TBC1D15: variants seen among roughly 807,000 people sequenced by gnomAD.
The protein encoded by TBC1D15 is GAP for RAB7.
Under a neutral mutation model 95.4 loss-of-function variants are expected in TBC1D15, and 39 were observed. That is an observed-to-expected ratio of 0.41 (90% CI 0.32 to 0.53). TBC1D15 has a LOEUF of 0.53. Among genes scored for constraint, TBC1D15 ranks in the 20% least tolerant of loss-of-function variants. TBC1D15 has a pLI of 0.29. For missense variants in TBC1D15, 733 were observed against 794.3 expected (o/e 0.92, Z 0.93); for synonymous variants, 258 against 261.3 (o/e 0.99, Z 0.12).
chr12:71,850,961 G>A (rs1887647199), intron 1 of TBC1D15, among the ~76,000 whole-genome samples: 1 of 141,920 alleles, frequency 7.0e-6, no homozygotes, highest in African/African-American at 2.7e-5. Context: ...CACTCAGCCT[G>A]GTGGCAGAGC....
intron 12 of TBC1D15, among the ~76,000 whole-genome samples, chr12:71,916,146 C>G (rs1903650725): frequency 6.6e-6 from 1 of 152,072 alleles, no homozygotes; most frequent in Admixed American, 6.6e-5. Flanking sequence ...TAATTCCTTT[C>G]TCCTCTCCAT....
At chr12:71,902,849 G>T (rs1028406028) in intron 10 of TBC1D15, among the ~76,000 whole-genome samples, 3 of 152,110 alleles carry the variant, frequency 2.0e-5, no homozygotes, top group Non-Finnish European at 4.4e-5. Context: ...CTAATACCCA[G>T]AATCTGTAAG....
intron 1 of TBC1D15, among the ~76,000 whole-genome samples, chr12:71,869,205 A>G (rs766379224): frequency 1.3e-5 from 2 of 152,128 alleles, no homozygotes; most frequent in Non-Finnish European, 2.9e-5. Context: ...GATTTCACCT[A>G]TATGTGGAAT....
rs535687103 is a variant in TBC1D15, at chr12:71,910,180, G to A, written c.1300+3042G>A. Among the ~76,000 whole-genome samples the A allele has an allele frequency of 6.6e-5, 10 of 151,872 alleles. No homozygotes were observed. The East Asian group carries it at 9.9e-4, about 15-fold the overall frequency. On this transcript the variant is annotated intron_variant, in intron 11 of 16. Transcript: ENST00000485960. ...AAAGATCAGATAGTTGTAGATATGC[G>A]ACGTTATTTCTGAGGGCTCTGTTCT...
At chr12:71,918,200 C>T (rs982662320) in intron 13 of TBC1D15, among the ~76,000 whole-genome samples, 4 of 152,164 alleles carry the variant, frequency 2.6e-5, no homozygotes, top group Admixed American at 6.5e-5. Context: ...GCACTTTCTT[C>T]GGTTCCATAA....
chr12:71,894,143 T>G (rs992300620), intron 6 of TBC1D15, among the ~76,000 whole-genome samples: 2 of 152,066 alleles, frequency 1.3e-5, no homozygotes, highest in Non-Finnish European at 2.9e-5. Flanking sequence ...AACCTTTTGC[T>G]GTTTTCCAGG....
At chr12:71,886,884 G>A (rs1026006499) in intron 5 of TBC1D15, among the ~76,000 whole-genome samples, 2 of 152,140 alleles carry the variant, frequency 1.3e-5, no homozygotes, top group South Asian at 2.1e-4. Flanking sequence ...CTCAGTATCG[G>A]TGTTGCGATG....
At chr12:71,911,803 A>C (rs1902443389) in intron 11 of TBC1D15, among the ~76,000 whole-genome samples, 1 of 152,050 alleles carries the variant, frequency 6.6e-6, no homozygotes, top group African/African-American at 2.4e-5. Flanking sequence ...AAAAAAAATA[A>C]AATAGATTAA....
chr12:71,911,533 A>G (rs925073104), intron 11 of TBC1D15, among the ~76,000 whole-genome samples: 1 of 150,230 alleles, frequency 6.7e-6, no homozygotes, highest in African/African-American at 2.4e-5. Context: ...ACAAAAAACC[A>G]AACACCGCAT....
chr12:71,921,288 C>A, intron 15 of TBC1D15, 80 bp from the exon 16 acceptor site: 1 of 652,802 alleles, frequency 1.5e-6, no homozygotes, highest in Non-Finnish European at 2.3e-6. Flanking sequence ...TGAAATATAA[C>A]TGGTAATAAA....
intron 1 of TBC1D15, among the ~76,000 whole-genome samples, chr12:71,856,824 C>G (rs1321766212): frequency 6.6e-6 from 1 of 152,062 alleles, no homozygotes; most frequent in African/African-American, 2.4e-5. Flanking sequence ...AGTTGATAGC[C>G]TTTTTCATTA....
chr12:71,865,131 G>A (rs1411116351), intron 1 of TBC1D15, among the ~76,000 whole-genome samples: 1 of 152,194 alleles, frequency 6.6e-6, no homozygotes, highest in Non-Finnish European at 1.5e-5. Context: ...GCTTGGAGCA[G>A]CTGTGGGTTT....
intron 1 of TBC1D15, among the ~76,000 whole-genome samples, chr12:71,844,820 A>G (rs1429999683): frequency 6.6e-6 from 1 of 152,224 alleles, no homozygotes; most frequent in Non-Finnish European, 1.5e-5. Flanking sequence ...TACTATATAC[A>G]TTGATTTACT....
chr12:71,851,357 T>A (rs778875055), intron 1 of TBC1D15, among the ~76,000 whole-genome samples: 17 of 152,002 alleles, frequency 1.1e-4, no homozygotes, highest in Non-Finnish European at 2.5e-4. Context: ...AACATGAGAT[T>A]TAGGTGGGGA....
chr12:71,884,766 A>T, intron 4 of TBC1D15, 45 bp from the exon 5 acceptor site: 1 of 1,584,626 alleles, frequency 6.3e-7, no homozygotes, highest in Non-Finnish European at 8.6e-7. Flanking sequence ...AGTACCTTTT[A>T]AAAAGGTGAA....
chr12:71,849,740 T>A (rs1887287209), intron 1 of TBC1D15: 2 of 557,870 alleles, frequency 3.6e-6, no homozygotes, highest in Non-Finnish European at 6.9e-6. Flanking sequence ...TCCATTTTGA[T>A]AGAGCTCTTC....
intron 1 of TBC1D15, among the ~76,000 whole-genome samples, chr12:71,845,715 T>C (rs770311558): frequency 1.3e-5 from 2 of 152,200 alleles, no homozygotes; most frequent in African/African-American, 2.4e-5. Context: ...TTGGTTGTTA[T>C]ATTAGCCTGT....
At chr12:71,915,779 T>C (rs1286263725) in intron 12 of TBC1D15, among the ~76,000 whole-genome samples, 1 of 152,180 alleles carries the variant, frequency 6.6e-6, no homozygotes, top group Non-Finnish European at 1.5e-5. Context: ...AAAAAAGATA[T>C]CTTATGATTA....
At chr12:71,890,099 A>G (rs1388030063) in intron 5 of TBC1D15, among the ~76,000 whole-genome samples, 3 of 152,060 alleles carry the variant, frequency 2.0e-5, no homozygotes, top group East Asian at 1.9e-4. Context: ...AGAATTCTTA[A>G]GGAGAAATTT....
Sources: allele counts gnomAD v4.1 joint callset (sites outside exome capture counted in the v4.1 genomes callset), GRCh38; gene constraint gnomAD v4.1.1; transcripts MANE v1.5; gene names NCBI Gene and HGNC (gene_info 2026-07-23, HGNC 2026-07-21).